TRHDE: variants seen among roughly 807,000 people sequenced by gnomAD.
TRHDE encodes thyrotropin releasing hormone degrading enzyme, also known as thyrotropin-releasing hormone-degrading ectoenzyme.
In TRHDE, 72 loss-of-function variants were observed where a neutral mutation model predicts 125.7. That is an observed-to-expected ratio of 0.57 (90% confidence interval 0.47 to 0.70). The LOEUF is 0.70. Among genes scored for constraint, TRHDE ranks in the 30% least tolerant of loss-of-function variants. The pLI is 0.00. For missense variants in TRHDE, 1,110 were observed against 1,327.1 expected (o/e 0.84, Z 2.54); for synonymous variants, 509 against 509.1 (o/e 1.00, Z 0.00).
At chr12:72,370,732 T>C (rs1355996519) in intron 2 of TRHDE, among the ~76,000 whole-genome samples, 2 of 151,996 alleles carry the variant, frequency 1.3e-5, no homozygotes, top group African/African-American at 2.4e-5. Context: ...TTTAAAAGAA[T>C]GTATTGTTAA....
intron 3 of TRHDE, among the ~76,000 whole-genome samples, chr12:72,419,797 A>G (rs534164691): frequency 9.8e-5 from 15 of 152,308 alleles, no homozygotes; most frequent in African/African-American, 3.6e-4. Context: ...TAAATAGTCT[A>G]GCAAATTGTG....
At chr12:72,167,518 C>T (rs898551775) in intron 2 of TRHDE, 3 of 152,042 alleles carry the variant, frequency 2.0e-5, no homozygotes, top group African/African-American at 7.3e-5. Context: ...TTTTTCTGAC[C>T]AAATAATGAA....
intron 7 of TRHDE, among the ~76,000 whole-genome samples, chr12:72,561,951 ATTT>A (rs1870198136): frequency 6.6e-6 from 1 of 152,172 alleles, no homozygotes; most frequent in Admixed American, 6.5e-5. Flanking sequence ...TATGAAAATG[ATTT>A]TTAAGAGATT....
At position 72,228,142 on chromosome 12, in the gene TRHDE, G is replaced by T. The variant is rs144409281; in HGVS notation, n.279+122390G>T. 1.4e-4 allele frequency among the ~76,000 whole-genome samples: 21 copies of T among 152,258 alleles called. 1 individual carries two copies. In the East Asian group the frequency reaches 4.1e-3, roughly 29 times the overall value. ...TGCCCCAAGTTGGGACTCTGTGTGG[G>T]GGCTCCAACCCCACATTTCTTTTCC... is the stretch of plus-strand genomic sequence containing the variant. On this transcript the variant is annotated intron_variant and non_coding_transcript_variant, in intron 2 of 4. Transcript: ENST00000548156.
At chr12:72,658,421 C>T (rs1874789520) in intron 18 of TRHDE, among the ~76,000 whole-genome samples, 2 of 152,126 alleles carry the variant, frequency 1.3e-5, no homozygotes, top group South Asian at 4.1e-4. Flanking sequence ...CTTCTCTTCT[C>T]TCCTGTTTGC....
intron 9 of TRHDE, among the ~76,000 whole-genome samples, chr12:72,568,349 C>T (rs1448337564): frequency 6.6e-6 from 1 of 151,986 alleles, no homozygotes; most frequent in Non-Finnish European, 1.5e-5. Flanking sequence ...GTTCTCTTTG[C>T]ATTGCAATTA....
At chr12:72,515,040 T>C (rs1430597354) in intron 6 of TRHDE, among the ~76,000 whole-genome samples, 2 of 144,520 alleles carry the variant, frequency 1.4e-5, no homozygotes. Context: ...TCTATCATTG[T>C]TGGATATTTG....
At chr12:72,123,414 G>T (rs1228045373) in intron 2 of TRHDE, among the ~76,000 whole-genome samples, 3 of 151,974 alleles carry the variant, frequency 2.0e-5, no homozygotes, top group Admixed American at 1.3e-4. Context: ...AAAACTCAGA[G>T]AAGTAGAAAG....
At chr12:72,522,473 C>T (rs1291358807) in intron 6 of TRHDE, among the ~76,000 whole-genome samples, 1 of 152,112 alleles carries the variant, frequency 6.6e-6, no homozygotes, top group Non-Finnish European at 1.5e-5. Flanking sequence ...CTCTCCAAGC[C>T]CACAGAAGCT....
chr12:72,380,929 A>C (rs1226198718), intron 3 of TRHDE, among the ~76,000 whole-genome samples: 1 of 149,258 alleles, frequency 6.7e-6, no homozygotes, highest in Non-Finnish European at 1.5e-5. Context: ...TGAGATGGAA[A>C]TCTATGGGTC....
chr12:72,254,438 C>T (rs951234898), intron 2 of TRHDE: 2 of 152,122 alleles, frequency 1.3e-5, no homozygotes, highest in African/African-American at 4.8e-5. Context: ...AGAGAAAGTT[C>T]AAATTTGTGA....
chr12:72,237,780 A>G (rs1037127002), intron 2 of TRHDE, among the ~76,000 whole-genome samples: 4 of 152,154 alleles, frequency 2.6e-5, no homozygotes, highest in African/African-American at 9.7e-5. Context: ...TCCCAGTCTC[A>G]GGTAGTAACT....
Position 72,481,844 on chromosome 12 carries a change from T to G in TRHDE, c.1584+8664T>G, listed in dbSNP as rs1449591772. ...TGTCAGTTTGTGTCATATACATCAT[T>G]AAAGATGAAGATACATGGGAATGCT... On this transcript the variant is annotated intron_variant, in intron 5 of 18. Coordinates refer to ENST00000261180, the MANE Select transcript of TRHDE (RefSeq NM_013381.3). Among the ~76,000 whole-genome samples the G allele has an allele frequency of 2.6e-5, 4 of 152,114 alleles. No individual in the cohort carries two copies. The East Asian group carries it at 7.7e-4, about 29-fold the overall frequency.
chr12:72,166,385 A>G (rs574840383), intron 2 of TRHDE, among the ~76,000 whole-genome samples: 16 of 152,170 alleles, frequency 1.1e-4, no homozygotes, highest in African/African-American at 3.6e-4. Context: ...ACATATATCT[A>G]TGCACACACA....
chr12:72,519,957 G>T (rs1372896745), intron 6 of TRHDE, among the ~76,000 whole-genome samples: 3 of 152,170 alleles, frequency 2.0e-5, no homozygotes, highest in Non-Finnish European at 4.4e-5. Flanking sequence ...CTGTTTGGGG[G>T]TCAGGGGTCA....
chr12:72,649,197 A>C (rs899633390), intron 15 of TRHDE, among the ~76,000 whole-genome samples: 19 of 152,086 alleles, frequency 1.2e-4, no homozygotes, highest in African/African-American at 4.3e-4. Context: ...ACCAACATAT[A>C]CACCAATTAA....
intron 6 of TRHDE, among the ~76,000 whole-genome samples, chr12:72,500,930 G>T (rs941273881): frequency 7.3e-6 from 1 of 136,518 alleles, no homozygotes; most frequent in African/African-American, 2.7e-5. Context: ...CTCCTACAAA[G>T]ATTATACTGG....
chr12:72,213,334 A>G (rs1303356834), intron 2 of TRHDE, among the ~76,000 whole-genome samples: 2 of 152,150 alleles, frequency 1.3e-5, no homozygotes, highest in African/African-American at 4.8e-5. Context: ...AAATGGGTAA[A>G]TTATACTGCA....
At chr12:72,212,977 A>G (rs1299523421) in intron 2 of TRHDE, among the ~76,000 whole-genome samples, 1 of 152,176 alleles carries the variant, frequency 6.6e-6, no homozygotes. Context: ...TAGTGCATCC[A>G]TACAGTGGGA....
Sources: gnomAD v4.1 joint callset for allele counts (sites outside exome capture counted in the v4.1 genomes callset) on GRCh38, gnomAD v4.1.1 for gene constraint, MANE v1.5 for transcripts, NCBI Gene and HGNC (gene_info 2026-07-23, HGNC 2026-07-21) for gene names.